ULK4: variants seen among roughly 807,000 people sequenced by gnomAD.
The protein encoded by ULK4 is inactive serine/threonine-protein kinase ULK4.
A neutral mutation model predicts 160.6 loss-of-function variants in ULK4; 133 were observed. The ratio of observed to expected loss-of-function variants is 0.83; its 90% CI spans 0.72 to 0.96. The LOEUF (loss-of-function observed/expected upper bound fraction) is 0.96. Among genes scored for constraint, ULK4 ranks in the 40% least tolerant of loss-of-function variants. ULK4 has a pLI of 0.00. For missense variants in ULK4, 1,580 were observed against 1,499.5 expected (o/e 1.05, Z -0.89); for synonymous variants, 534 against 539.8 (o/e 0.99, Z 0.15).
At chr3:41,499,605 T>G (rs1341291851) in intron 32 of ULK4, among the ~76,000 whole-genome samples, 3 of 152,206 alleles carry the variant, frequency 2.0e-5, no homozygotes, top group East Asian at 1.9e-4. Flanking sequence ...AGATTTTTTT[T>G]GTCCAATTTT....
At chr3:41,874,455 TAA>T (rs1470027484) in intron 17 of ULK4, among the ~76,000 whole-genome samples, 1 of 152,234 alleles carries the variant, frequency 6.6e-6, no homozygotes, top group Non-Finnish European at 1.5e-5. Flanking sequence ...CCAATATTCT[TAA>T]GTCAATAATT....
At chr3:41,291,477 A>G (rs2125703246) in intron 35 of ULK4, among the ~76,000 whole-genome samples, 1 of 506 alleles carries the variant, frequency 2.0e-3, no homozygotes, top group African/African-American at 7.6e-3. Flanking sequence ...GGGGAAGGAG[A>G]GGAGGAAAGA....
chr3:41,810,382 C>T (rs2040784451), intron 19 of ULK4, among the ~76,000 whole-genome samples: 1 of 152,176 alleles, frequency 6.6e-6, no homozygotes, highest in South Asian at 2.1e-4. Context: ...TTTCCCTCAT[C>T]TAGGGTTCTT....
intron 31 of ULK4, among the ~76,000 whole-genome samples, chr3:41,603,375 C>G (rs1437268131): frequency 6.6e-6 from 1 of 151,852 alleles, no homozygotes; most frequent in South Asian, 2.1e-4. Flanking sequence ...ACAGGAGAAA[C>G]AAATAACTCC....
intron 2 of ULK4, among the ~76,000 whole-genome samples, chr3:41,947,800 A>G (rs577254429): frequency 1.3e-5 from 2 of 152,248 alleles, no homozygotes; most frequent in Non-Finnish European, 2.9e-5. Context: ...TGATTCCTCT[A>G]TCTCACCTTT....
In ULK4 at chr3:41,588,605, T is replaced by C. The variant is rs2031010695; in HGVS notation, c.3121-22475A>G. 3.3e-5 allele frequency among the ~76,000 whole-genome samples: 5 copies of C among 152,174 alleles called. No homozygotes were observed. The South Asian group carries it at 1.0e-3, about 32-fold the overall frequency. ...TCACACAACCTCTGCATCTACCAAA[T>C]AGCAGGACAAGTGCACAGACCCATT... On this transcript the variant is annotated intron_variant, in intron 31 of 36. Transcript: ENST00000301831.
chr3:41,398,684 G>A (rs1054498960), intron 34 of ULK4, among the ~76,000 whole-genome samples: 6 of 151,626 alleles, frequency 4.0e-5, no homozygotes, highest in East Asian at 3.9e-4. Context: ...GAGCCACTGC[G>A]CCTGGCCTAA....
At chr3:41,729,459 C>G (rs1373794638) in intron 22 of ULK4, among the ~76,000 whole-genome samples, 2 of 152,230 alleles carry the variant, frequency 1.3e-5, no homozygotes, top group Non-Finnish European at 2.9e-5. Flanking sequence ...CATCTTGACA[C>G]TGGAGCCACT....
intron 21 of ULK4, among the ~76,000 whole-genome samples, chr3:41,761,512 T>C (rs1390548939): frequency 6.6e-6 from 1 of 151,498 alleles, no homozygotes; most frequent in Non-Finnish European, 1.5e-5. Flanking sequence ...GTGAAAACTA[T>C]GTAGGATACA....
chr3:41,896,277 G>T (rs1279966177), intron 15 of ULK4, among the ~76,000 whole-genome samples: 2 of 152,000 alleles, frequency 1.3e-5, no homozygotes, highest in Admixed American at 6.6e-5. Context: ...TTTTTGAGAT[G>T]GAGTTTCACT....
At chr3:41,856,448 C>CT (rs1427381993) in intron 17 of ULK4, among the ~76,000 whole-genome samples, 7 of 147,080 alleles carry the variant, frequency 4.8e-5, no homozygotes, top group Non-Finnish European at 1.0e-4. Flanking sequence ...ACTAAGAAAA[C>CT]TACACCAAAG....
chr3:41,782,632 A>G (rs2039884680), intron 21 of ULK4, among the ~76,000 whole-genome samples: 1 of 152,204 alleles, frequency 6.6e-6, no homozygotes, highest in Non-Finnish European at 1.5e-5. Context: ...GAAAGAGTTT[A>G]ATTTTATCAC....
At chr3:41,460,980 C>A (rs2083670571) in intron 33 of ULK4, among the ~76,000 whole-genome samples, 1 of 152,036 alleles carries the variant, frequency 6.6e-6, no homozygotes, top group African/African-American at 2.4e-5. Flanking sequence ...CCTGCACAAC[C>A]CACATGTCCC....
intron 7 of ULK4, among the ~76,000 whole-genome samples, chr3:41,917,814 T>TACTAAAA (rs1214109439): frequency 1.3e-5 from 2 of 151,816 alleles, no homozygotes; most frequent in Non-Finnish European, 1.5e-5. Context: ...ACCCCGTCTC[T>TACTAAAA]AATAAAAAAC....
chr3:41,649,592 G>A (rs1412880437), intron 30 of ULK4, among the ~76,000 whole-genome samples: 1 of 152,224 alleles, frequency 6.6e-6, no homozygotes, highest in East Asian at 1.9e-4. Flanking sequence ...TCCGTGCTCA[G>A]GGTGGTGCAG....
intron 36 of ULK4, 53 bp downstream of exon 36, chr3:41,249,436 G>C: frequency 6.5e-7 from 1 of 1,529,626 alleles, no homozygotes; most frequent in South Asian, 1.2e-5. Context: ...AGGAATGGCT[G>C]AGAGTGTGTG....
At chr3:41,328,374 C>G (rs2080375736) in intron 35 of ULK4, among the ~76,000 whole-genome samples, 2 of 152,144 alleles carry the variant, frequency 1.3e-5, no homozygotes, top group Non-Finnish European at 2.9e-5. Flanking sequence ...ATGTTCACTT[C>G]TGACCAACGC....
chr3:41,653,715 A>C (rs1214098516), intron 30 of ULK4, among the ~76,000 whole-genome samples: 3 of 152,198 alleles, frequency 2.0e-5, no homozygotes, highest in Non-Finnish European at 4.4e-5. Context: ...TCATCTCTTT[A>C]AGTTTTACAA....
intron 35 of ULK4, among the ~76,000 whole-genome samples, chr3:41,370,620 A>G (rs1331321177): frequency 6.6e-6 from 1 of 152,212 alleles, no homozygotes; most frequent in Non-Finnish European, 1.5e-5. Flanking sequence ...CGACGGAGCT[A>G]TTCGGCCCAG....
Sources: gnomAD v4.1 joint callset for allele counts (sites outside exome capture counted in the v4.1 genomes callset) on GRCh38, gnomAD v4.1.1 for gene constraint, MANE v1.5 for transcripts, NCBI Gene and HGNC (gene_info 2026-07-23, HGNC 2026-07-21) for gene names.